LIG1: variants seen among roughly 807,000 people sequenced by gnomAD.
LIG1 encodes the protein DNA ligase 1, also known as ligase I, DNA, ATP-dependent.
Under a neutral mutation model 115.7 loss-of-function variants are expected in LIG1, and 70 were observed. The ratio of observed to expected loss-of-function variants is 0.60; its 90% CI spans 0.50 to 0.74. The LOEUF (loss-of-function observed/expected upper bound fraction) is 0.74. LIG1 is among the 30% of genes least tolerant of loss of function. The pLI is 0.00. For synonymous variants in LIG1, 487 were observed against 495.3 expected (o/e 0.98, Z 0.22); for missense variants, 1,115 against 1,225.6 (o/e 0.91, Z 1.35).
intron 4 of LIG1, among the ~76,000 whole-genome samples, chr19:48,158,995 C>T (rs1225896903): frequency 1.3e-5 from 2 of 152,196 alleles, no homozygotes; most frequent in Admixed American, 6.5e-5. Context: ...TACCTAGTGA[C>T]CATCCTTTAA....
intron 15 of LIG1, 76 bp from the exon 16 acceptor site, chr19:48,135,855 T>C: frequency 1.4e-6 from 2 of 1,387,144 alleles, no homozygotes; most frequent in Non-Finnish European, 2.0e-6. Flanking sequence ...GGTGGTTTGC[T>C]GTATGGCAAG....
At position 48,157,074 on chromosome 19, in the gene LIG1, A is replaced by T; in HGVS notation, c.310T>A (p.Ser104Thr). 9 of 1,611,992 alleles carry T rather than the reference A, an allele frequency of 5.6e-6. No homozygotes were observed. Among genetic ancestry groups the T allele is most frequent in the Non-Finnish European group, 7.6e-6 (9 of 1,178,938 alleles). Residue 104 changes from serine to threonine, a missense_variant, in exon 5 of 28, where the codon TCC becomes ACC. By Grantham distance (58) the Ser-to-Thr change is moderately conservative. Transcript: ENST00000263274. ...TCCATGGGAGAGGTGTCAGAGAGGG[A>T]AGCATTGTTCTCAGGAGATGTGGCA... ...RPATSPENNA[S>T]LSDTSPMDSS...
intron 1 of LIG1, among the ~76,000 whole-genome samples, chr19:48,166,192 T>C (rs1259357086): frequency 1.3e-5 from 2 of 151,556 alleles, no homozygotes; most frequent in Admixed American, 1.3e-4. Flanking sequence ...AGGTCAGGAG[T>C]TCAAGACCAG....
At chr19:48,134,722 C>G (rs2034270049) in intron 16 of LIG1, among the ~76,000 whole-genome samples, 3 of 152,260 alleles carry the variant, frequency 2.0e-5, no homozygotes. Flanking sequence ...TTTGATGTAG[C>G]TGGTGTGGGG....
intron 6 of LIG1, among the ~76,000 whole-genome samples, chr19:48,153,637 A>AACACACACACACAC (rs36171813): frequency 3.4e-5 from 2 of 58,790 alleles, no homozygotes; most frequent in African/African-American, 6.8e-5. Flanking sequence ...GCAGATCCAA[A>AACACACACACACAC]ACACACACAC....
At chr19:48,121,008 AG>A (rs1396144946) in intron 24 of LIG1, 161 bp downstream of exon 24, 1 of 1,506,104 alleles carries the variant, frequency 6.6e-7, no homozygotes, top group Non-Finnish European at 8.8e-7. Context: ...ATGAAGCAAG[AG>A]TTGCTCATAG....
chr19:48,155,519 T>C (rs2122932080), intron 5 of LIG1, among the ~76,000 whole-genome samples: 1 of 152,180 alleles, frequency 6.6e-6, no homozygotes. Flanking sequence ...TCACCTCCCC[T>C]GGGCTGCTTG....
At chr19:48,120,859 A>G in intron 24 of LIG1, 1 of 964,752 alleles carries the variant, frequency 1.0e-6, no homozygotes, top group Non-Finnish European at 1.3e-6. Flanking sequence ...CCCTAATGGC[A>G]TCAGACTGCC....
chr19:48,143,436 G>C, intron 11 of LIG1, 107 bp downstream of exon 11: 2 of 1,060,868 alleles, frequency 1.9e-6, no homozygotes, highest in South Asian at 1.2e-5. Flanking sequence ...AGCGGGGTCA[G>C]AGGCCAAGTT....
chr19:48,123,556 G>A (rs988574489), intron 21 of LIG1: 9 of 576,282 alleles, frequency 1.6e-5, no homozygotes, highest in African/African-American at 1.1e-4. Context: ...AGCATCAGAC[G>A]GGGGGCTGCG....
At chr19:48,163,262 C>T (rs951536441) in intron 2 of LIG1, among the ~76,000 whole-genome samples, 4 of 151,600 alleles carry the variant, frequency 2.6e-5, no homozygotes, top group Admixed American at 6.6e-5. Flanking sequence ...CTCTTGTTGC[C>T]CAAGGGTGGA....
chr19:48,162,370 G>GTTTT lies in LIG1; in HGVS notation c.18-20_18-19insAAAA. The GTTTT allele has an allele frequency of 6.3e-7, 1 of 1,591,626 alleles. No homozygotes were observed. Among genetic ancestry groups the GTTTT allele is most frequent in the Non-Finnish European group, 8.6e-7 (1 of 1,160,436 alleles). Reference sequence around the variant, plus strand: ...AAATGACCTAGAGGAGCATAAAAGGGGGTAAAAAAAGGAGAATAACAGCAC... The same window carrying GTTTT: ...AAATGACCTAGAGGAGCATAAAAGGGTTTTGGTAAAAAAAGGAGAATAACAGCAC... On this transcript the variant is annotated intron_variant, in intron 2 of 27. Coordinates refer to ENST00000263274, the MANE Select transcript of LIG1 (RefSeq NM_000234.3).
intron 4 of LIG1, among the ~76,000 whole-genome samples, chr19:48,160,996 C>T (rs2036140807): frequency 1.3e-5 from 2 of 152,280 alleles, no homozygotes; most frequent in Admixed American, 1.3e-4. Flanking sequence ...GTTGGCCTCC[C>T]AACGTGCTGG....
In LIG1 at chr19:48,165,568, T is replaced by C; in HGVS notation, c.-2A>G. The C allele has an allele frequency of 6.2e-7, 1 of 1,614,006 alleles. No individual in the cohort carries two copies. The highest frequency in any genetic ancestry group is 8.5e-7 in the Non-Finnish European group (1 of 1,179,864). On this transcript the variant is annotated 5_prime_UTR_variant, in exon 2 of 28. Transcript: ENST00000263274. ...TGCTCACATGATACTTCGCTGCATGTTGGCGTCAGAATTCTCCCTTCCTGT... is the reference window on the plus strand; with the variant it reads ...TGCTCACATGATACTTCGCTGCATGCTGGCGTCAGAATTCTCCCTTCCTGT...
At chr19:48,120,806 A>T (rs76859137) in intron 24 of LIG1, 2 of 541,964 alleles carry the variant, frequency 3.7e-6, no homozygotes, top group Non-Finnish European at 5.1e-6. Context: ...GAAAAAAAAA[A>T]TGTGGGGACA....
chr19:48,154,063 CT>C, intron 5 of LIG1, 96 bp from the exon 6 acceptor site: 1 of 992,986 alleles, frequency 1.0e-6, no homozygotes, highest in Non-Finnish European at 1.6e-6. Context: ...CTGGAAGGCT[CT>C]GGGCCCTCTC....
chr19:48,133,381 G>T (rs763417943), intron 17 of LIG1: 1 of 459,048 alleles, frequency 2.2e-6, no homozygotes, highest in South Asian at 2.2e-5. Context: ...CCTCCTCTGC[G>T]TCCCTCCTCC....
intron 6 of LIG1, among the ~76,000 whole-genome samples, chr19:48,152,095 A>G (rs2035513499): frequency 6.6e-6 from 1 of 152,082 alleles, no homozygotes; most frequent in South Asian, 2.1e-4. Flanking sequence ...TTTACAATAA[A>G]ATTTGTACTA....
chr19:48,136,123 G>A lies in LIG1; in HGVS notation c.1334C>T (p.Ser445Phe), dbSNP rs1251687366. Residue 445 changes from serine to phenylalanine, a missense_variant and splice_region_variant, in exon 15 of 28, where the codon TCC becomes TTC. Ser to Phe is a radical substitution (Grantham distance 155). Coordinates refer to ENST00000263274, the MANE Select transcript of LIG1 (RefSeq NM_000234.3). ...CCCAAGGCGCAGCCGTCCGCTCAGG[G>A]ACCTGGGGAGAGAGCAGGCCAGGGA... Reference protein sequence around the residue: ...RHSEARFIARSLSGRLRLGLA... With the variant: ...RHSEARFIARFLSGRLRLGLA... 1.9e-6 allele frequency: 3 copies of A among 1,564,362 alleles called. No individual in the cohort carries two copies. The African/African-American group carries it at 4.1e-5, about 21-fold the overall frequency.
Sources: allele counts gnomAD v4.1 joint callset (sites outside exome capture counted in the v4.1 genomes callset), GRCh38; gene constraint gnomAD v4.1.1; transcripts MANE v1.5; gene names NCBI Gene and HGNC (gene_info 2026-07-23, HGNC 2026-07-21).